Variants in SV2B observed in about 807,000 individuals in gnomAD.
The protein encoded by SV2B is solute carrier family 22 member B2.
SV2B carries 41 observed loss-of-function variants against 73.9 expected under a neutral mutation model. The observed-to-expected ratio is 0.56, with a 90% CI of 0.43 to 0.72. The LOEUF is 0.72. Among genes scored for constraint, SV2B ranks in the 30% least tolerant of loss-of-function variants. The probability of loss-of-function intolerance (pLI) is 0.00; values close to 1 mark genes in which losing one functional copy is unlikely to be tolerated. For missense variants in SV2B, 764 were observed against 857.8 expected (o/e 0.89, Z 1.37); for synonymous variants, 314 against 314.2 (o/e 1.00, Z 0.01).
At chr15:91,230,941 C>G (rs998805068) in intron 2 of SV2B, among the ~76,000 whole-genome samples, 6 of 152,096 alleles carry the variant, frequency 3.9e-5, no homozygotes, top group African/African-American at 1.4e-4. Context: ...GGTTGATGGG[C>G]TGGGGGGCGT....
chr15:91,150,853 C>G (rs980116979), intron 1 of SV2B, among the ~76,000 whole-genome samples: 1 of 152,312 alleles, frequency 6.6e-6, no homozygotes, highest in East Asian at 1.9e-4. Flanking sequence ...TGTGAGGAAG[C>G]AGAGACAAGA....
intron 1 of SV2B, among the ~76,000 whole-genome samples, chr15:91,218,491 G>A (rs1380041030): frequency 6.6e-6 from 1 of 152,120 alleles, no homozygotes; most frequent in Admixed American, 6.5e-5. Flanking sequence ...GGGGGAGTGT[G>A]TCTGGAACCT....
At chr15:91,162,102 A>C (rs1216911708) in intron 1 of SV2B, among the ~76,000 whole-genome samples, 5 of 152,228 alleles carry the variant, frequency 3.3e-5, no homozygotes, top group African/African-American at 1.2e-4. Context: ...CTGATAATAC[A>C]TGCTATGAAG....
intron 1 of SV2B, among the ~76,000 whole-genome samples, chr15:91,221,693 G>GTGCGCGCGCACACACACACACA (rs1555486428): frequency 1.4e-5 from 2 of 140,068 alleles, no homozygotes; most frequent in African/African-American, 5.6e-5. Context: ...AAGCATGTGC[G>GTGCGCGCGCACACACACACACA]CACACACACA....
intron 1 of SV2B, among the ~76,000 whole-genome samples, chr15:91,222,572 A>G (rs983840437): frequency 7.9e-5 from 12 of 152,308 alleles, no homozygotes; most frequent in African/African-American, 2.9e-4. Flanking sequence ...CCCTAACCAA[A>G]GAGTTGGAAA....
intron 1 of SV2B, among the ~76,000 whole-genome samples, chr15:91,134,218 G>A (rs773959189): frequency 6.6e-6 from 1 of 151,842 alleles, no homozygotes; most frequent in South Asian, 2.1e-4. Context: ...GGCTAGTCTC[G>A]AACTCCTGAC....
At chr15:91,256,856 A>G (rs913034880) in intron 4 of SV2B, among the ~76,000 whole-genome samples, 3 of 152,212 alleles carry the variant, frequency 2.0e-5, no homozygotes, top group African/African-American at 2.4e-5. Flanking sequence ...ATTGGTTAGG[A>G]GTCTGCTGCG....
intron 1 of SV2B, among the ~76,000 whole-genome samples, chr15:91,142,125 C>T (rs963564022): frequency 3.9e-5 from 6 of 152,182 alleles, no homozygotes; most frequent in African/African-American, 1.4e-4. Context: ...TCACAGGCAT[C>T]TTCAAAAGTC....
intron 2 of SV2B, among the ~76,000 whole-genome samples, chr15:91,250,570 A>G (rs2047443793): frequency 1.3e-5 from 2 of 152,206 alleles, no homozygotes; most frequent in Non-Finnish European, 2.9e-5. Flanking sequence ...AGAAAACCCT[A>G]AAGACTCCAC....
At chr15:91,282,439 C>A (rs1010222724) in intron 10 of SV2B, among the ~76,000 whole-genome samples, 4 of 152,206 alleles carry the variant, frequency 2.6e-5, no homozygotes, top group Non-Finnish European at 4.4e-5. Flanking sequence ...TTACTACCCT[C>A]ATCATAAATT....
In SV2B at chr15:91,229,904, G is replaced by A. The variant is rs1294283502; in HGVS notation, c.451+3190G>A. ...AAAAGGCTGTTTATGTTTGAGTGCTGCTAACTCAGTTCTGTCTTTCCCCAT... is the reference window on the plus strand; with the variant it reads ...AAAAGGCTGTTTATGTTTGAGTGCTACTAACTCAGTTCTGTCTTTCCCCAT... On this transcript the variant is annotated intron_variant, in intron 2 of 12. Transcript: ENST00000394232. This position sits in a 1 kb window ranked among gnomAD's most constrained non-coding sequence, Gnocchi z 4.3. Among the ~76,000 whole-genome samples, 1 of 152,178 alleles carries A rather than the reference G, an allele frequency of 6.6e-6. No homozygotes were observed. The highest frequency in any genetic ancestry group is 1.5e-5 in the Non-Finnish European group (1 of 68,036).
rs1023921286 is a variant in SV2B at position 91,229,069 on chromosome 15, G to T, written c.451+2355G>T. On this transcript the variant is annotated intron_variant, in intron 2 of 12. Coordinates refer to ENST00000394232, the MANE Select transcript of SV2B (RefSeq NM_001323032.3). The surrounding 1 kb of genome is among the most constrained non-coding windows in gnomAD (Gnocchi z 4.3). ...TATGCCCATTCTGCCACACCATACT[G>T]CCTTTCTCTCACGCCTCGTTTGTGG... 3.3e-5 allele frequency among the ~76,000 whole-genome samples: 5 copies of T among 152,226 alleles called. No homozygotes were observed. The South Asian group carries it at 1.0e-3, about 31-fold the overall frequency.
chr15:91,157,267 T>C (rs2043523370), intron 1 of SV2B, among the ~76,000 whole-genome samples: 1 of 152,206 alleles, frequency 6.6e-6, no homozygotes, highest in African/African-American at 2.4e-5. Flanking sequence ...GTTTCTGTCT[T>C]AGATAATCTC....
chr15:91,255,092 G>T (rs1026527456), intron 4 of SV2B, among the ~76,000 whole-genome samples: 11 of 152,196 alleles, frequency 7.2e-5, no homozygotes, highest in Non-Finnish European at 1.3e-4. Context: ...GTGAAGAAAA[G>T]GCAGGAGGAT....
At chr15:91,276,972 C>T (rs2048514857) in intron 9 of SV2B, among the ~76,000 whole-genome samples, 1 of 152,074 alleles carries the variant, frequency 6.6e-6, no homozygotes, top group Non-Finnish European at 1.5e-5. Flanking sequence ...AGGCATGCAA[C>T]ACCACACCTG....
At chr15:91,181,896 G>T (rs2044592753) in intron 1 of SV2B, among the ~76,000 whole-genome samples, 2 of 151,950 alleles carry the variant, frequency 1.3e-5, no homozygotes, top group Admixed American at 1.3e-4. Flanking sequence ...ATGTCTATGT[G>T]CAGTATATAT....
rs750491956 is a variant in SV2B, at chr15:91,252,527, C to A, written c.784+7C>A. 3.1e-6 allele frequency: 5 copies of A among 1,598,216 alleles called. No individual in the cohort carries two copies. The highest frequency in any genetic ancestry group is 4.3e-6 in the Non-Finnish European group (5 of 1,171,754). Reference sequence around the variant, plus strand: ...AGCATCATCCCACACTATGGTGAGTCATGGCTCCAAACAGCCTAGGGGGCC... The same window carrying A: ...AGCATCATCCCACACTATGGTGAGTAATGGCTCCAAACAGCCTAGGGGGCC... On this transcript the variant is annotated splice_region_variant and intron_variant, in intron 4 of 12. Transcript: ENST00000394232. The surrounding 1 kb of genome is among the most constrained non-coding windows in gnomAD (Gnocchi z 4.6).
Position 91,263,267 on chromosome 15 carries a change from G to A in SV2B, c.1008+2858G>A, listed in dbSNP as rs1050415248. Among the ~76,000 whole-genome samples, 394 of 146,922 alleles carry A rather than the reference G, an allele frequency of 2.7e-3. 1 individual carries two copies. Among genetic ancestry groups the A allele is most frequent in the Non-Finnish European group, 4.6e-3 (306 of 66,834 alleles). ...ACAGACACAGGAACACACGGACACA[G>A]ACACATGGACACACATGAACACAGA... On this transcript the variant is annotated intron_variant, in intron 6 of 12. Coordinates refer to ENST00000394232, the MANE Select transcript of SV2B (RefSeq NM_001323032.3).
At chr15:91,138,988 A>G (rs1458689719) in intron 1 of SV2B, among the ~76,000 whole-genome samples, 1 of 152,246 alleles carries the variant, frequency 6.6e-6, no homozygotes, top group Non-Finnish European at 1.5e-5. Context: ...CAACAATTAA[A>G]CCAGTGAAAT....
Sources: gnomAD v4.1 joint callset for allele counts (sites outside exome capture counted in the v4.1 genomes callset) on GRCh38, gnomAD v4.1.1 for gene constraint, Gnocchi (gnomAD v3.1) non-coding constraint, MANE v1.5 for transcripts, NCBI Gene and HGNC (gene_info 2026-07-23, HGNC 2026-07-21) for gene names.